ZSCAN5A: variants seen among roughly 807,000 people sequenced by gnomAD.
ZSCAN5A encodes the protein zinc finger and SCAN domain-containing protein 5A.
ZSCAN5A carries 12 observed loss-of-function variants against 23.7 expected under a neutral mutation model. That is an observed-to-expected ratio of 0.51 (90% confidence interval 0.32 to 0.82). The LOEUF (loss-of-function observed/expected upper bound fraction) is 0.82, where lower values mean the gene tolerates loss of function less well. Ranked by LOEUF, ZSCAN5A falls within the 40% of genes least tolerant of loss-of-function variation. The probability of loss-of-function intolerance (pLI) is 0.03; values close to 1 mark genes in which losing one functional copy is unlikely to be tolerated. For synonymous variants in ZSCAN5A, 257 were observed against 239.9 expected, an observed-to-expected ratio of 1.07 and a Z score of -0.66; for missense variants, 597 against 617.9, an observed-to-expected ratio of 0.97 and a Z score of 0.36.
At chr19:56,315,163 C>T (rs62124380), upstream of ZSCAN5A, 3,991 of 152,286 alleles carry the variant, frequency 0.026, 86 homozygotes, top group Non-Finnish European at 0.042. Context: ...GTTTTGCGGC[C>T]AGCGAGACGC....
chr19:56,252,829 A>G (rs1174057680), intron 2 of ZSCAN5A, among the ~76,000 whole-genome samples: 1 of 152,144 alleles, frequency 6.6e-6, no homozygotes, highest in African/African-American at 2.4e-5. Context: ...TGGTGGCTGG[A>G]GTATGGAGAG....
chr19:56,297,314 T>C (rs1180830174), intron 2 of ZSCAN5A, among the ~76,000 whole-genome samples: 6 of 152,078 alleles, frequency 3.9e-5, no homozygotes, highest in African/African-American at 1.4e-4. Flanking sequence ...CTCCACCCAC[T>C]TCATAATTCA....
At chr19:56,303,094 AT>A in intron 2 of ZSCAN5A, 1 of 387,084 alleles carries the variant, frequency 2.6e-6, no homozygotes, top group Non-Finnish European at 4.6e-6. Context: ...ACAGAATGGA[AT>A]TAGCCAATTG....
At chr19:56,299,768 T>C (rs1234448287) in intron 2 of ZSCAN5A, 2 of 152,250 alleles carry the variant, frequency 1.3e-5, no homozygotes, top group African/African-American at 4.8e-5. Context: ...TTTATTGTTG[T>C]ATTGCTATTT....
intron 1 of ZSCAN5A, 94 bp downstream of exon 1, chr19:56,314,587 C>T (rs1187249861): frequency 6.6e-6 from 1 of 152,342 alleles, no homozygotes; most frequent in African/African-American, 2.4e-5. Flanking sequence ...GTCCCCGCCC[C>T]AGGCGCATGC....
intron 2 of ZSCAN5A, among the ~76,000 whole-genome samples, chr19:56,353,606 G>A (rs1053130679): frequency 7.3e-5 from 11 of 151,486 alleles, no homozygotes; most frequent in Non-Finnish European, 1.6e-4. Context: ...GTGAAACCCC[G>A]TCTCTACTAA....
intron 2 of ZSCAN5A, among the ~76,000 whole-genome samples, chr19:56,325,626 T>A (rs149260687): frequency 6.6e-6 from 1 of 152,038 alleles, no homozygotes; most frequent in East Asian, 1.9e-4. Context: ...CTAGCACCAG[T>A]CACTCTGTCA....
At chr19:56,301,640 T>C (rs1355117209) in intron 2 of ZSCAN5A, among the ~76,000 whole-genome samples, 1 of 152,210 alleles carries the variant, frequency 6.6e-6, no homozygotes, top group Non-Finnish European at 1.5e-5. Context: ...AGCCTCATTT[T>C]ACCCAGCCCC....
At chr19:56,365,047 A>C (rs2147472315) in intron 1 of ZSCAN5A, 1 of 152,372 alleles carries the variant, frequency 6.6e-6, no homozygotes, top group African/African-American at 2.4e-5. Context: ...TTTAAAAGAA[A>C]ACATCCATTC....
chr19:56,241,425 T>C (rs1287829736), intron 2 of ZSCAN5A, among the ~76,000 whole-genome samples: 1 of 152,202 alleles, frequency 6.6e-6, no homozygotes, highest in Non-Finnish European at 1.5e-5. Context: ...CTCTCATATT[T>C]GTATGCTTTT....
At chr19:56,334,696 A>T (rs1443139960) in intron 2 of ZSCAN5A, among the ~76,000 whole-genome samples, 1 of 152,194 alleles carries the variant, frequency 6.6e-6, no homozygotes, top group Non-Finnish European at 1.5e-5. Flanking sequence ...GTACTGGAAA[A>T]TCTGAGATGA....
intron 2 of ZSCAN5A, among the ~76,000 whole-genome samples, chr19:56,328,536 G>A (rs1217318567): frequency 6.6e-6 from 1 of 151,688 alleles, no homozygotes; most frequent in South Asian, 2.1e-4. Context: ...CAGCTACTTA[G>A]GAGGCTTAGG....
chr19:56,263,283 C>G (rs552544125), intron 2 of ZSCAN5A: 1 of 152,176 alleles, frequency 6.6e-6, no homozygotes, highest in East Asian at 1.9e-4. Context: ...TAAGGGCAAG[C>G]GCTGAGCTCC....
chr19:56,272,098 A>G (rs1293222821), intron 2 of ZSCAN5A, among the ~76,000 whole-genome samples: 3 of 152,260 alleles, frequency 2.0e-5, no homozygotes, highest in African/African-American at 4.8e-5. Context: ...TGGTTAAGTA[A>G]CTTGCTCAGG....
chr19:56,345,814 TCTAA>T (rs1568762003), intron 2 of ZSCAN5A, among the ~76,000 whole-genome samples: 2 of 152,330 alleles, frequency 1.3e-5, no homozygotes, highest in Admixed American at 6.5e-5. Context: ...CAATGACATT[TCTAA>T]CTGTCTAAAC....
chr19:56,321,305 A>T (rs2041373245), intron 2 of ZSCAN5A: 2 of 658,662 alleles, frequency 3.0e-6, no homozygotes, highest in Non-Finnish European at 5.6e-6. Context: ...TAACTCGCCC[A>T]TCACTGGTCA....
chr19:56,260,214 C>CT (rs398041088), intron 2 of ZSCAN5A, among the ~76,000 whole-genome samples: 42,538 of 127,836 alleles, frequency 0.33, 7,969 homozygotes, highest in Non-Finnish European at 0.43. Flanking sequence ...TATTTTTTTA[C>CT]TTTTTTTTTT....
intron 2 of ZSCAN5A, among the ~76,000 whole-genome samples, chr19:56,276,916 A>G (rs1281174422): frequency 1.3e-5 from 2 of 152,002 alleles, no homozygotes; most frequent in East Asian, 3.8e-4. Flanking sequence ...TACAAATATT[A>G]TAAATATTTA....
intron 2 of ZSCAN5A, among the ~76,000 whole-genome samples, chr19:56,328,813 C>A (rs1401454218): frequency 1.3e-5 from 2 of 149,932 alleles, no homozygotes; most frequent in Middle Eastern, 3.5e-3. Flanking sequence ...CACGGTGAAA[C>A]CCCATCTCTA....
Sources: gnomAD v4.1 joint callset for allele counts (sites outside exome capture counted in the v4.1 genomes callset) on GRCh38, gnomAD v4.1.1 for gene constraint, MANE v1.5 for transcripts, NCBI Gene and HGNC (gene_info 2026-07-23, HGNC 2026-07-21) for gene names.